PDE5A: variants seen among roughly 807,000 people sequenced by gnomAD.
PDE5A encodes phosphodiesterase 5A.
In PDE5A, 67 loss-of-function variants were observed where a neutral mutation model predicts 110.2. The observed-to-expected ratio is 0.61, with a 90% CI of 0.50 to 0.75. The LOEUF is 0.75. Among genes scored for constraint, PDE5A ranks in the 30% least tolerant of loss-of-function variants. PDE5A has a pLI of 0.00. For synonymous variants in PDE5A, 328 were observed against 351.2 expected (o/e 0.93, Z 0.74); for missense variants, 862 against 1,045.1 (o/e 0.82, Z 2.42).
At chr4:119,620,637 T>C (rs1026691854) in intron 1 of PDE5A, among the ~76,000 whole-genome samples, 1 of 152,196 alleles carries the variant, frequency 6.6e-6, no homozygotes, top group Non-Finnish European at 1.5e-5. Flanking sequence ...TGAAGATCTT[T>C]ACTTTGTTCT....
chr4:119,499,115 G>A (rs1294277648), intron 20 of PDE5A, among the ~76,000 whole-genome samples: 1 of 152,126 alleles, frequency 6.6e-6, no homozygotes, highest in African/African-American at 2.4e-5. Context: ...CTAGGGAATG[G>A]TTTCATACAA....
At chr4:119,512,099 T>TTTTAC (rs1725762581) in intron 14 of PDE5A, among the ~76,000 whole-genome samples, 1 of 152,120 alleles carries the variant, frequency 6.6e-6, no homozygotes, top group African/African-American at 2.4e-5. Flanking sequence ...TGAACGATTA[T>TTTTAC]TTTACTTTGC....
chr4:119,510,913 C>T (rs1258125976), intron 15 of PDE5A, 134 bp downstream of exon 15: 11 of 567,992 alleles, frequency 1.9e-5, no homozygotes, highest in South Asian at 3.0e-5. Flanking sequence ...GTTTTGGCTT[C>T]GCCTTCCTTA....
chr4:119,511,855 C>T (rs568506009), intron 14 of PDE5A, among the ~76,000 whole-genome samples: 96 of 152,180 alleles, frequency 6.3e-4, no homozygotes, highest in African/African-American at 2.1e-3. Flanking sequence ...ATCTCTGAGA[C>T]AGTCACAAAT....
chr4:119,606,441 T>C lies in PDE5A; in HGVS notation c.741+268A>G, dbSNP rs547196653. Among the ~76,000 whole-genome samples, 5 of 152,238 alleles carry C rather than the reference T, an allele frequency of 3.3e-5. No individual in the cohort carries two copies. The East Asian group carries it at 9.6e-4, about 29-fold the overall frequency. Reference sequence around the variant, plus strand: ...GAGAATATAACCATGAGATGAGCTATATTAAATTATCATTAAGGAGAAAAA... The same window carrying C: ...GAGAATATAACCATGAGATGAGCTACATTAAATTATCATTAAGGAGAAAAA... On this transcript the variant is annotated intron_variant, in intron 2 of 20. Transcript: ENST00000354960.
intron 3 of PDE5A, among the ~76,000 whole-genome samples, chr4:119,574,255 TCA>T (rs1728246233): frequency 7.2e-6 from 1 of 138,146 alleles, no homozygotes; most frequent in Admixed American, 8.1e-5. Flanking sequence ...CGCTCTCGGC[TCA>T]CTGCAACCTC....
At chr4:119,528,737 C>T (rs1726418436) in intron 11 of PDE5A, 1 of 152,150 alleles carries the variant, frequency 6.6e-6, no homozygotes, top group Non-Finnish European at 1.5e-5. Context: ...TCTGTATCCA[C>T]AGGGCTCAAG....
chr4:119,628,598 CTCTGCTGCTGCT>C lies in PDE5A; in HGVS notation c.62_73del (p.Lys21_Gln24del), dbSNP rs1221427853. ...CCATGCTTCGACCGAGTCCTGATCC[CTCTGCTGCTGCT>C]TCTGCTGCTGGGGCTGCTGCTGCTG... On this transcript the variant is annotated inframe_deletion, in exon 1 of 21. Coordinates refer to ENST00000354960, the MANE Select transcript of PDE5A (RefSeq NM_001083.4). The C allele has an allele frequency of 4.3e-6, 7 of 1,613,910 alleles. No individual in the cohort carries two copies. The highest frequency in any genetic ancestry group is 3.3e-5 in the Admixed American group (2 of 59,988).
At chr4:119,616,755 G>T (rs2110560025) in intron 1 of PDE5A, among the ~76,000 whole-genome samples, 1 of 149,614 alleles carries the variant, frequency 6.7e-6, no homozygotes, top group African/African-American at 2.5e-5. Flanking sequence ...AAAAAAAAAG[G>T]AATTCTGGAG....
intron 14 of PDE5A, chr4:119,512,669 A>G (rs1194670626): frequency 2.6e-5 from 4 of 152,102 alleles, no homozygotes; most frequent in African/African-American, 9.7e-5. Context: ...TGAGGGAGAT[A>G]AAGGGAAAAA....
chr4:119,575,052 T>G (rs1728282664), intron 3 of PDE5A, among the ~76,000 whole-genome samples: 1 of 152,172 alleles, frequency 6.6e-6, no homozygotes, highest in Non-Finnish European at 1.5e-5. Flanking sequence ...CAAGCCTCAG[T>G]AGCCGATTCG....
At chr4:119,510,397 T>G (rs1473127996) in intron 15 of PDE5A, among the ~76,000 whole-genome samples, 2 of 152,046 alleles carry the variant, frequency 1.3e-5, no homozygotes, top group East Asian at 3.9e-4. Flanking sequence ...TAGTTAAAAC[T>G]TTCATTTTTT....
chr4:119,616,683 G>T (rs1444987389), intron 1 of PDE5A, among the ~76,000 whole-genome samples: 1 of 151,760 alleles, frequency 6.6e-6, no homozygotes, highest in East Asian at 1.9e-4. Context: ...GGCGAAAGTT[G>T]ACAGACATTT....
chr4:119,580,387 A>G (rs1560625596), intron 3 of PDE5A, among the ~76,000 whole-genome samples: 1 of 152,208 alleles, frequency 6.6e-6, no homozygotes. Flanking sequence ...GTCTCCAAAT[A>G]AGCCCTTTAA....
At position 119,532,906 on chromosome 4, in the gene PDE5A, C is replaced by T. The variant is rs145956842; in HGVS notation, c.1632+6054G>A. Among the ~76,000 whole-genome samples the T allele has an allele frequency of 6.3e-3, 951 of 152,088 alleles. 9 individuals are homozygous for T. The highest frequency in any genetic ancestry group is 0.022 in the African/African-American group (898 of 41,508). On this transcript the variant is annotated intron_variant, in intron 11 of 20. Coordinates refer to ENST00000354960, the MANE Select transcript of PDE5A (RefSeq NM_001083.4). Reference sequence around the variant, plus strand: ...CATTCTGCTTGCCTTAGGTCTGAAGCGTGAAATCTTAAGAGCCAAAATAAA... The same window carrying T: ...CATTCTGCTTGCCTTAGGTCTGAAGTGTGAAATCTTAAGAGCCAAAATAAA...
At chr4:119,527,205 A>C (rs1726353265) in intron 11 of PDE5A, 1 of 152,152 alleles carries the variant, frequency 6.6e-6, no homozygotes, top group Non-Finnish European at 1.5e-5. Flanking sequence ...GGAAGCCAGC[A>C]TAGCTTGTGC....
At chr4:119,586,421 C>G (rs573147197) in intron 3 of PDE5A, among the ~76,000 whole-genome samples, 1 of 152,208 alleles carries the variant, frequency 6.6e-6, no homozygotes, top group South Asian at 2.1e-4. Flanking sequence ...AAGCATTTAA[C>G]AACAAGGAAT....
At chr4:119,550,035 G>A (rs538214888) in intron 9 of PDE5A, 2 of 152,172 alleles carry the variant, frequency 1.3e-5, no homozygotes, top group Non-Finnish European at 2.9e-5. Flanking sequence ...TGACATGTAA[G>A]ACAAATTATC....
At chr4:119,507,249 A>G (rs13121569) in intron 16 of PDE5A, among the ~76,000 whole-genome samples, 24,769 of 151,800 alleles carry the variant, frequency 0.16, 2,133 homozygotes, top group Middle Eastern at 0.2. Flanking sequence ...TAAAGGAGTC[A>G]TGAAATGGTC....
Sources: allele counts gnomAD v4.1 joint callset (sites outside exome capture counted in the v4.1 genomes callset), GRCh38; gene constraint gnomAD v4.1.1; transcripts MANE v1.5; gene names NCBI Gene and HGNC (gene_info 2026-07-23, HGNC 2026-07-21).